The following SLC46A3 variants were observed in gnomAD, a reference collection of about 807,000 sequenced individuals.
SLC46A3 encodes the protein lysosomal proton-coupled steroid conjugate and bile acid symporter SLC46A3.
Under a neutral mutation model 38.5 loss-of-function variants are expected in SLC46A3, and 26 were observed. The ratio of observed to expected loss-of-function variants is 0.68; its 90% CI spans 0.49 to 0.94. SLC46A3 has a LOEUF of 0.94. Ranked by LOEUF, SLC46A3 falls within the 40% of genes least tolerant of loss-of-function variation. SLC46A3 has a pLI of 0.00. For missense variants in SLC46A3, 510 were observed against 544.3 expected (o/e 0.94, Z 0.63); for synonymous variants, 185 against 192.5 (o/e 0.96, Z 0.32).
In SLC46A3 at chr13:28,712,892, A is replaced by T; in HGVS notation, c.848T>A (p.Leu283His). Residue 283 changes from leucine (L) to histidine (H), a missense_variant, in exon 3 of 6, where the codon CTT becomes CAT. Leu to His is a moderately conservative substitution (Grantham distance 99, BLOSUM62 -3). Coordinates refer to ENST00000266943, the MANE Select transcript of SLC46A3 (RefSeq NM_181785.4). ...VVIGIAPIFI[L>H]YELDSPLCWN... ...GCAGAGTGGTGAATCCAATTCATAA[A>T]GGATAAAAATTGGGGCAATGCCAAT... The T allele has an allele frequency of 1.2e-6, 2 of 1,611,064 alleles. No individual in the cohort carries two copies. Among genetic ancestry groups the T allele is most frequent in the Non-Finnish European group, 1.7e-6 (2 of 1,179,278 alleles).
chr13:28,710,919 CTCTGTCTAAATACT>C, intron 3 of SLC46A3, 76 bp from the exon 4 acceptor site: 1 of 1,047,538 alleles, frequency 9.5e-7, no homozygotes. Context: ...AACACTTTCA[CTCTGTCTAAATACT>C]TCCTTTTCTA....
At position 28,712,940 on chromosome 13, in the gene SLC46A3, A is replaced by C; in HGVS notation, c.800T>G (p.Val267Gly). ...AATTACCACAAAAAAATAAGTGATT[A>C]CTGTAAAAAGTAACAAACAGAGCAA... Reference protein sequence around the residue: ...RFLLCLLLFTVITYFFVVIGI... With the variant: ...RFLLCLLLFTGITYFFVVIGI... Residue 267 changes from valine (V) to glycine (G), a missense_variant, in exon 3 of 6, where the codon GTA becomes GGA. Physicochemically the swap from Val to Gly is moderately radical, Grantham distance 109. Transcript: ENST00000266943. 1 of 1,611,542 alleles carries C rather than the reference A, an allele frequency of 6.2e-7. No homozygotes were observed. Among genetic ancestry groups the C allele is most frequent in the Non-Finnish European group, 8.5e-7 (1 of 1,179,442 alleles).
intron 4 of SLC46A3, chr13:28,704,338 C>A: frequency 2.2e-6 from 1 of 452,116 alleles, no homozygotes; most frequent in East Asian, 3.8e-5. Flanking sequence ...TTGGAAACTC[C>A]AAATAGCTGA....
At position 28,717,880 on chromosome 13, in the gene SLC46A3, G is replaced by T; in HGVS notation, c.119C>A (p.Thr40Asn). ...AGAAATATTGCTATCAGATGAAAAA[G>T]TGTAGTTGCCAGTTTCTTCCCATAT... Reference protein sequence around the residue: ...RRIWEETGNYTFSSDSNISEC... With the variant: ...RRIWEETGNYNFSSDSNISEC... Residue 40 changes from threonine (T) to asparagine (N), a missense_variant, in exon 2 of 6, where the codon ACT (threonine) becomes AAT (asparagine). Thr to Asn is a moderately conservative substitution (Grantham distance 65). Transcript: ENST00000266943. 2 of 1,614,122 alleles carry T rather than the reference G, an allele frequency of 1.2e-6. No homozygotes were observed. Among genetic ancestry groups the T allele is most frequent in the Non-Finnish European group, 1.7e-6 (2 of 1,180,026 alleles).
At chr13:28,711,270 C>T (rs1885333094) in intron 3 of SLC46A3, among the ~76,000 whole-genome samples, 1 of 151,882 alleles carries the variant, frequency 6.6e-6, no homozygotes, top group South Asian at 2.1e-4. Flanking sequence ...ACTAAAAATA[C>T]AAAATTAGCC....
Position 28,701,287 on chromosome 13 carries a change from T to C in SLC46A3, c.*210A>G. The C allele has an allele frequency of 1.4e-6, 2 of 1,414,774 alleles. No homozygotes were observed. The highest frequency in any genetic ancestry group is 1.8e-6 in the Non-Finnish European group (2 of 1,088,166). 87.6% of individuals were successfully genotyped at this position (1,414,774 alleles called of 1,614,324 possible). A position where few individuals can be genotyped will look rare whatever the true frequency, so the allele number is the denominator to read the frequency against. On this transcript the variant is annotated 3_prime_UTR_variant, in exon 6 of 6. Coordinates refer to ENST00000266943, the MANE Select transcript of SLC46A3 (RefSeq NM_181785.4). ...AAATTTGTTCTGTGTATTGCAAGTA[T>C]ATTGCATGATACGCACAAAGTGCTC...
intron 2 of SLC46A3, among the ~76,000 whole-genome samples, chr13:28,716,844 C>T (rs1885541659): frequency 6.6e-6 from 1 of 152,162 alleles, no homozygotes; most frequent in Non-Finnish European, 1.5e-5. Flanking sequence ...CACAGAGACT[C>T]ACAGAGCCAG....
At chr13:28,705,660 T>C (rs185221896) in intron 4 of SLC46A3, among the ~76,000 whole-genome samples, 71 of 152,310 alleles carry the variant, frequency 4.7e-4, no homozygotes, top group Non-Finnish European at 1.3e-4. Context: ...TTAATAAATA[T>C]TTGTCAAATG....
intron 4 of SLC46A3, among the ~76,000 whole-genome samples, chr13:28,705,450 T>C (rs1885147270): frequency 6.6e-6 from 1 of 152,248 alleles, no homozygotes; most frequent in Non-Finnish European, 1.5e-5. Context: ...ATTGTACATA[T>C]TCTCATATAT....
chr13:28,702,869 C>T (rs1259524183), intron 5 of SLC46A3, among the ~76,000 whole-genome samples: 2 of 152,172 alleles, frequency 1.3e-5, no homozygotes, highest in Non-Finnish European at 2.9e-5. Flanking sequence ...CCCCAAAGTG[C>T]TTAGGAGAAA....
chr13:28,709,338 GA>G (rs1885274546), intron 4 of SLC46A3, among the ~76,000 whole-genome samples: 1 of 144,366 alleles, frequency 6.9e-6, no homozygotes, highest in African/African-American at 2.5e-5. Context: ...AAAAAAAAAA[GA>G]GAGAAAGTAA....
Position 28,713,074 on chromosome 13 carries a change from C to G in SLC46A3, c.666G>C (p.Val222=), listed in dbSNP as rs534922363. 6.2e-7 allele frequency: 1 copy of G among 1,611,092 alleles called. No homozygotes were observed. Among genetic ancestry groups the G allele is most frequent in the Non-Finnish European group, 8.5e-7 (1 of 1,179,506 alleles). ...IYILFFLGDP[V]KECSSQNVTM... ...TAACATTCTGAGATGAACACTCTTT[C>G]ACTGGATCTCCGAGAAAAAATAAAA... Residue 222 remains valine (V), a synonymous_variant, in exon 3 of 6, where the codon GTG becomes GTC. Coordinates refer to ENST00000266943, the MANE Select transcript of SLC46A3 (RefSeq NM_181785.4).
At chr13:28,714,730 C>T (rs1198487365) in intron 2 of SLC46A3, among the ~76,000 whole-genome samples, 1 of 152,170 alleles carries the variant, frequency 6.6e-6, no homozygotes, top group East Asian at 1.9e-4. Context: ...GCCTGGGTGA[C>T]ACAGTGAGAC....
chr13:28,716,068 C>T (rs9578054), intron 2 of SLC46A3, among the ~76,000 whole-genome samples: 26,821 of 151,886 alleles, frequency 0.18, 3,076 homozygotes, highest in Non-Finnish European at 0.24. Context: ...TGAGAGGATC[C>T]CTTGAGCCTA....
rs2098572954 is a variant in SLC46A3, at chr13:28,700,922, A to G, written c.*575T>C. The G allele has an allele frequency of 2.7e-6, 4 of 1,485,950 alleles. No individual in the cohort carries two copies. The highest frequency in any genetic ancestry group is 4.9e-5 in the East Asian group (2 of 40,420). 92.0% of individuals were successfully genotyped at this position (1,485,950 alleles called of 1,614,324 possible). A position where few individuals can be genotyped will look rare whatever the true frequency, so the allele number is the denominator to read the frequency against. On this transcript the variant is annotated 3_prime_UTR_variant, in exon 6 of 6. Transcript: ENST00000266943. ...GTATAGTCTTCAGAAGTCACAGTAT[A>G]TAAGCTCCGACTATCAATAGCAGCT...
In SLC46A3 at chr13:28,713,343, C is replaced by A; in HGVS notation, c.397G>T (p.Ala133Ser). The change falls in exon 3 of 6, where the codon GCA (alanine) becomes TCA (serine). Residue 133 changes from alanine (A) to serine (S), a missense_variant. Transcript: ENST00000266943. Reference protein sequence around the residue: ...YFAFPFQLLIASTFIGAFCGN... With the variant: ...YFAFPFQLLISSTFIGAFCGN... The stretch of plus-strand genomic sequence containing the variant: ...CAAAATGCACCAATGAAGGTAGATG[C>A]AATCAAAAGCTGGAATGGAAAGGCA... 2 of 1,613,958 alleles carry A rather than the reference C, an allele frequency of 1.2e-6. No individual in the cohort carries two copies. Among genetic ancestry groups the A allele is most frequent in the Non-Finnish European group, 1.7e-6 (2 of 1,180,016 alleles).
intron 4 of SLC46A3, among the ~76,000 whole-genome samples, chr13:28,708,892 C>T (rs1885258863): frequency 6.6e-6 from 1 of 152,090 alleles, no homozygotes. Flanking sequence ...ATCTAAGAAA[C>T]TATTGCATAG....
chr13:28,709,327 A>G (rs2137830055), intron 4 of SLC46A3, among the ~76,000 whole-genome samples: 1 of 152,082 alleles, frequency 6.6e-6, no homozygotes, highest in Non-Finnish European at 1.5e-5. Flanking sequence ...CGTCTCAAAA[A>G]AAAAAAAAAA....
intron 2 of SLC46A3, among the ~76,000 whole-genome samples, chr13:28,716,262 G>C (rs1029195738): frequency 1.3e-5 from 2 of 152,170 alleles, no homozygotes; most frequent in African/African-American, 4.8e-5. Flanking sequence ...AGAGGTTCCA[G>C]GATGGGATTC....
Sources: allele counts gnomAD v4.1 joint callset (sites outside exome capture counted in the v4.1 genomes callset), GRCh38; gene constraint gnomAD v4.1.1; transcripts MANE v1.5; gene names NCBI Gene and HGNC (gene_info 2026-07-23, HGNC 2026-07-21).